The following ACACA variants were observed in gnomAD, a reference collection of about 807,000 sequenced individuals.
ACACA encodes the protein acetyl-CoA carboxylase alpha.
A neutral mutation model predicts 296.1 loss-of-function variants in ACACA; 103 were observed. The ratio of observed to expected loss-of-function variants is 0.35; its 90% CI spans 0.30 to 0.41. The LOEUF is 0.41. Ranked by LOEUF, ACACA falls within the 10% of genes least tolerant of loss-of-function variation. ACACA has a pLI of 1.00. For missense variants in ACACA, 1,554 were observed against 2,989.7 expected, an observed-to-expected ratio of 0.52 and a Z score of 11.20; for synonymous variants, 953 against 1,038.6, an observed-to-expected ratio of 0.92 and a Z score of 1.58.
At chr17:37,210,083 A>G (rs1050298214) in intron 30 of ACACA, among the ~76,000 whole-genome samples, 2 of 152,224 alleles carry the variant, frequency 1.3e-5, no homozygotes, top group Admixed American at 6.5e-5. Flanking sequence ...TAAAAATTGT[A>G]AAAACTGTGA....
At chr17:37,336,229 G>A (rs2048111329) in intron 2 of ACACA, among the ~76,000 whole-genome samples, 1 of 152,086 alleles carries the variant, frequency 6.6e-6, no homozygotes, top group Non-Finnish European at 1.5e-5. Context: ...TGACATCAAA[G>A]GCACCCCTCC....
intron 3 of ACACA, among the ~76,000 whole-genome samples, chr17:37,300,541 T>C (rs930209405): frequency 2.0e-5 from 3 of 152,204 alleles, no homozygotes; most frequent in African/African-American, 7.2e-5. Flanking sequence ...AACAATCTGA[T>C]GCCAACCACG....
chr17:37,102,947 G>A (rs1225378295), intron 52 of ACACA, among the ~76,000 whole-genome samples: 1 of 152,136 alleles, frequency 6.6e-6, no homozygotes, highest in Non-Finnish European at 1.5e-5. Flanking sequence ...CTCTGATTAT[G>A]GTTCAAGACC....
At chr17:37,326,003 T>C (rs1219390510) in intron 3 of ACACA, among the ~76,000 whole-genome samples, 2 of 148,138 alleles carry the variant, frequency 1.4e-5, no homozygotes, top group African/African-American at 5.0e-5. Flanking sequence ...AGATCAGGAG[T>C]TCAAGACCAG....
At chr17:37,142,592 G>A (rs988712860) in intron 45 of ACACA, among the ~76,000 whole-genome samples, 1 of 152,206 alleles carries the variant, frequency 6.6e-6, no homozygotes, top group Admixed American at 6.5e-5. Flanking sequence ...GGAGCTATGG[G>A]AGTACAGGGA....
At chr17:37,299,427 CAGG>C (rs2146862126) in intron 3 of ACACA, 2 of 1,603,432 alleles carry the variant, frequency 1.2e-6, no homozygotes, top group Admixed American at 3.4e-5. Context: ...GCTTAAAACC[CAGG>C]AGGACAAGAG....
chr17:37,225,565 C>T (rs527506741), intron 26 of ACACA: 9 of 190,520 alleles, frequency 4.7e-5, no homozygotes, highest in African/African-American at 7.1e-5. Flanking sequence ...CCCAGGTACT[C>T]GGCACCAAGG....
At chr17:37,391,658 T>C in intron 1 of ACACA, 3 of 1,613,890 alleles carry the variant, frequency 1.9e-6, no homozygotes, top group Non-Finnish European at 2.5e-6. Flanking sequence ...TTGGACAAGA[T>C]GCTGCCAATT....
intron 3 of ACACA, among the ~76,000 whole-genome samples, chr17:37,290,460 C>A (rs1182506934): frequency 6.6e-6 from 1 of 152,192 alleles, no homozygotes; most frequent in Admixed American, 6.5e-5. Flanking sequence ...AAGCTCTTCA[C>A]ATGCACTGGC....
At chr17:37,268,882 C>T (rs2146362986) in intron 10 of ACACA, among the ~76,000 whole-genome samples, 1 of 150,400 alleles carries the variant, frequency 6.6e-6, no homozygotes, top group East Asian at 2.0e-4. Context: ...TAAGACTTTT[C>T]CACTATTTGA....
In ACACA at chr17:37,406,512, T is replaced by C. The variant is rs2051516925; in HGVS notation, c.-213A>G. 3.2e-5 allele frequency: 20 copies of C among 628,126 alleles called. No individual in the cohort carries two copies. The highest frequency in any genetic ancestry group is 3.2e-4 in the South Asian group (17 of 53,914). The allele number at this position is 628,126 out of a possible 1,614,324, so 38.9% of individuals were successfully genotyped here. Reference sequence around the variant, plus strand: ...GTCCCTGGGCCCAGTTCCCTCAGCCTCAATTTCCCTTGCTGCAACAGGGGT... The same window carrying C: ...GTCCCTGGGCCCAGTTCCCTCAGCCCCAATTTCCCTTGCTGCAACAGGGGT... On this transcript the variant is annotated 5_prime_UTR_variant, in exon 1 of 56. Coordinates refer to ENST00000616317, the MANE Select transcript of ACACA (RefSeq NM_198834.3).
chr17:37,346,613 A>G (rs1458309607), intron 1 of ACACA, among the ~76,000 whole-genome samples: 1 of 150,952 alleles, frequency 6.6e-6, no homozygotes, highest in Non-Finnish European at 1.5e-5. Context: ...GAGGCAGGAG[A>G]ATGGCGTGAA....
At chr17:37,293,670 T>C (rs2083187534) in intron 3 of ACACA, among the ~76,000 whole-genome samples, 1 of 151,588 alleles carries the variant, frequency 6.6e-6, no homozygotes, top group Non-Finnish European at 1.5e-5. Flanking sequence ...AGCCCCCCAG[T>C]AGCTGGGATT....
intron 52 of ACACA, among the ~76,000 whole-genome samples, chr17:37,103,610 C>T (rs575066240): frequency 6.6e-6 from 1 of 152,092 alleles, no homozygotes; most frequent in Non-Finnish European, 1.5e-5. Context: ...GTGCTCCCAT[C>T]CTTTCCTATC....
intron 1 of ACACA, among the ~76,000 whole-genome samples, chr17:37,347,737 T>C (rs1303279978): frequency 2.9e-5 from 4 of 138,388 alleles, no homozygotes; most frequent in Admixed American, 7.6e-5. Flanking sequence ...ACGCCATCCC[T>C]ACTTACGTAA....
At chr17:37,399,146 A>AT (rs1415647911) in intron 1 of ACACA, among the ~76,000 whole-genome samples, 1 of 150,990 alleles carries the variant, frequency 6.6e-6, no homozygotes, top group Non-Finnish European at 1.5e-5. Context: ...TGCCCGGCTA[A>AT]TTTTTTATAT....
Position 37,263,853 on chromosome 17 carries a change from T to C in ACACA, c.1161A>G (p.Arg387=). ...CCAGATGACGAGATTGTTTGGCTAGTCTCATCACAAATATGGGAGATCCAG... is the reference window on the plus strand; with the variant it reads ...CCAGATGACGAGATTGTTTGGCTAGCCTCATCACAAATATGGGAGATCCAG... ...EVPGSPIFVM[R]LAKQSRHLEV... is the part of the protein sequence containing the mutation. The change falls in exon 11 of 56, where the codon AGA becomes AGG. Residue 387 remains arginine, a synonymous_variant. Transcript: ENST00000616317. The C allele has an allele frequency of 6.2e-7, 1 of 1,613,898 alleles. No homozygotes were observed. Among genetic ancestry groups the C allele is most frequent in the Non-Finnish European group, 8.5e-7 (1 of 1,179,992 alleles).
chr17:37,249,028 A>G (rs762469526), intron 16 of ACACA, among the ~76,000 whole-genome samples: 1 of 152,168 alleles, frequency 6.6e-6, no homozygotes, highest in East Asian at 1.9e-4. Context: ...CCCTCCCCCC[A>G]GTTCCTGGTA....
rs762428348 is a variant in ACACA at position 37,245,161 on chromosome 17, G to A, written c.2514C>T (p.Tyr838=). ...CAAGAGCTGCTCCAGGTCGCTTGAC[G>A]TAATGGATACAGCCAGACTCCACAG... is the stretch of plus-strand genomic sequence containing the variant. The part of the protein sequence containing the change: ...LTAVESGCIH[Y]VKRPGAALDP... The change falls in exon 20 of 56, where the codon TAC becomes TAT. Residue 838 remains tyrosine, a synonymous_variant. Transcript: ENST00000616317. 1.2e-5 allele frequency: 20 copies of A among 1,614,116 alleles called. No homozygotes were observed. Among genetic ancestry groups the A allele is most frequent in the South Asian group, 1.1e-4 (10 of 91,076 alleles).
Sources: gnomAD v4.1 joint callset for allele counts (sites outside exome capture counted in the v4.1 genomes callset) on GRCh38, gnomAD v4.1.1 for gene constraint, MANE v1.5 for transcripts, NCBI Gene and HGNC (gene_info 2026-07-23, HGNC 2026-07-21) for gene names.